Variants in NEMP2 observed in about 807,000 individuals in gnomAD.
The protein encoded by NEMP2 is nuclear envelope integral membrane protein 2, also known as UPF0571 transmembrane protein.
A neutral mutation model predicts 54.2 loss-of-function variants in NEMP2; 53 were observed. The ratio of observed to expected loss-of-function variants is 0.98; its 90% CI spans 0.78 to 1.23. NEMP2 has a LOEUF of 1.23. NEMP2 is among the 50% of genes most tolerant of loss of function. NEMP2 has a pLI of 0.00. For missense variants in NEMP2, 455 were observed against 511.3 expected (o/e 0.89, Z 1.06); for synonymous variants, 197 against 190.3 (o/e 1.04, Z -0.29).
chr2:190,474,632 G>C, the NEMP2 span, among the ~76,000 whole-genome samples: 42 of 152,266 alleles, frequency 2.8e-4, no homozygotes, highest in Middle Eastern at 0.014. Flanking sequence ...AATTCGACCA[G>C]AGGTACAAGG....
chr2:190,495,327 C>A, the NEMP2 span, among the ~76,000 whole-genome samples: 1 of 152,136 alleles, frequency 6.6e-6, no homozygotes, highest in South Asian at 2.1e-4. The surrounding 1 kb of genome is among the most constrained non-coding windows in gnomAD (Gnocchi z 4.7). Context: ...AACTACAAAA[C>A]ACTGCTGAAA....
At chr2:190,563,747 T>C in the NEMP2 span, among the ~76,000 whole-genome samples, 1 of 152,236 alleles carries the variant, frequency 6.6e-6, no homozygotes, top group South Asian at 2.1e-4. The surrounding 1 kb of genome is among the most constrained non-coding windows in gnomAD (Gnocchi z 4.3). Context: ...TTTGTAATGA[T>C]GGTGTCTGAG....
chr2:190,592,098 G>A, the NEMP2 span, among the ~76,000 whole-genome samples: 4 of 152,154 alleles, frequency 2.6e-5, no homozygotes, highest in Admixed American at 1.3e-4. The surrounding 1 kb of genome is among the most constrained non-coding windows in gnomAD (Gnocchi z 4.4). Context: ...TCTATGCACT[G>A]TGAGGCTCAG....
intron 1 of NEMP2, among the ~76,000 whole-genome samples, chr2:190,526,008 T>C (rs185791323): frequency 2.6e-5 from 4 of 152,284 alleles, no homozygotes; most frequent in East Asian, 3.9e-4. Flanking sequence ...CTCAAAAGGA[T>C]TTAACTGAAA....
At chr2:190,552,292 G>A in the NEMP2 span, among the ~76,000 whole-genome samples, 1 of 152,042 alleles carries the variant, frequency 6.6e-6, no homozygotes, top group Non-Finnish European at 1.5e-5. Flanking sequence ...TCATCAGTGT[G>A]GATGCCTGGT....
chr2:190,448,425 G>T, the NEMP2 span, among the ~76,000 whole-genome samples: 2 of 152,120 alleles, frequency 1.3e-5, no homozygotes, highest in Non-Finnish European at 2.9e-5. Context: ...GCCATCAATT[G>T]AGGAATGGAT....
At chr2:190,450,488 C>CTTTTTTTTTTTTTTTT in the NEMP2 span, among the ~76,000 whole-genome samples, 2 of 97,254 alleles carry the variant, frequency 2.1e-5, no homozygotes, top group Non-Finnish European at 3.8e-5. Flanking sequence ...TCTCTTTTTC[C>CTTTTTTTTTTTTTTTT]TTTTTTTTTT....
the NEMP2 span, chr2:190,646,972 T>A: frequency 6.6e-6 from 1 of 152,198 alleles, no homozygotes; most frequent in African/African-American, 2.4e-5. Flanking sequence ...CAAGATTCCA[T>A]AGAGGAATTA....
Position 190,507,013 on chromosome 2 carries a change from G to T in NEMP2, c.*2176C>A, listed in dbSNP as rs1206400284. The stretch of plus-strand genomic sequence containing the variant: ...GAAGGGAAGGGAGGAAAGAAAGGAG[G>T]GAAACATTTCTTGGAAGAGTTATCT... On this transcript the variant is annotated 3_prime_UTR_variant, in exon 9 of 9. Coordinates refer to ENST00000409150, the MANE Select transcript of NEMP2 (RefSeq NM_001142645.2). The surrounding 1 kb of genome is among the most constrained non-coding windows in gnomAD (Gnocchi z 4.4). The T allele has an allele frequency of 9.2e-5, 14 of 152,070 alleles. No homozygotes were observed. The highest frequency in any genetic ancestry group is 9.2e-4 in the Admixed American group (14 of 15,256). The allele number at this position is 152,070 out of a possible 1,614,324, so 9.4% of individuals were successfully genotyped here.
Position 190,528,765 on chromosome 2 carries a change from T to C in NEMP2, c.98-3387A>G, listed in dbSNP as rs1320916172. On this transcript the variant is annotated intron_variant, in intron 1 of 8. Transcript: ENST00000409150. The surrounding 1 kb of genome is among the most constrained non-coding windows in gnomAD (Gnocchi z 4.3). ...GGGCCTGAGTTTTGCAATCAAATGC[T>C]CTCTTCAAATAAGGTTCTTTCCACT... 6.6e-6 allele frequency among the ~76,000 whole-genome samples: 1 copy of C among 150,974 alleles called. No homozygotes were observed. Among genetic ancestry groups the C allele is most frequent in the African/African-American group, 2.4e-5 (1 of 40,976 alleles).
intron 1 of NEMP2, among the ~76,000 whole-genome samples, chr2:190,532,448 C>CCTGA (rs1271491403): frequency 6.6e-6 from 1 of 152,136 alleles, no homozygotes; most frequent in Non-Finnish European, 1.5e-5. Context: ...ACTGACAGGG[C>CCTGA]CTGAACTTCA....
chr2:190,482,910 A>C, the NEMP2 span, among the ~76,000 whole-genome samples: 1 of 31,516 alleles, frequency 3.2e-5, no homozygotes, highest in Non-Finnish European at 7.4e-5. Flanking sequence ...TTTTAGACGG[A>C]GTCTCACTCT....
chr2:190,453,150 A>G, the NEMP2 span, among the ~76,000 whole-genome samples: 1 of 152,154 alleles, frequency 6.6e-6, no homozygotes, highest in African/African-American at 2.4e-5. Flanking sequence ...GAGTGGATAT[A>G]AAATGAATAA....
chr2:190,519,690 T>C lies in NEMP2; in HGVS notation c.214-507A>G, dbSNP rs1690688631. 6.6e-6 allele frequency among the ~76,000 whole-genome samples: 1 copy of C among 152,240 alleles called. No individual in the cohort carries two copies. The highest frequency in any genetic ancestry group is 2.4e-5 in the African/African-American group (1 of 41,462). On this transcript the variant is annotated intron_variant, in intron 2 of 8. Coordinates refer to ENST00000409150, the MANE Select transcript of NEMP2 (RefSeq NM_001142645.2). The surrounding 1 kb of genome is among the most constrained non-coding windows in gnomAD (Gnocchi z 5.4). ...AACACACGCTGAACCACAGACATTA[T>C]TGAAAGTGAATGCTTCTCCCTCCAA...
the NEMP2 span, among the ~76,000 whole-genome samples, chr2:190,455,441 G>A: frequency 1.3e-5 from 2 of 152,130 alleles, no homozygotes. Context: ...CCAGCTGGGG[G>A]AGGCTCTGCT....
chr2:190,629,155 T>C, the NEMP2 span, among the ~76,000 whole-genome samples: 1 of 152,220 alleles, frequency 6.6e-6, no homozygotes, highest in Non-Finnish European at 1.5e-5. Flanking sequence ...AGCTGCTATA[T>C]GCTCTGCACC....
the NEMP2 span, among the ~76,000 whole-genome samples, chr2:190,488,365 CAG>C: frequency 3.5e-4 from 54 of 152,204 alleles, no homozygotes; most frequent in Non-Finnish European, 5.4e-4. This position sits in a 1 kb window ranked among gnomAD's most constrained non-coding sequence, Gnocchi z 6.4. Flanking sequence ...TGGTGGTTGT[CAG>C]GGGATGGGAC....
At chr2:190,441,315 T>C in the NEMP2 span, among the ~76,000 whole-genome samples, 7 of 152,096 alleles carry the variant, frequency 4.6e-5, no homozygotes, top group Non-Finnish European at 8.8e-5. Context: ...AAGCTCCTAA[T>C]GCCCAGGTTG....
At chr2:190,469,905 T>A in the NEMP2 span, 2 of 1,374,386 alleles carry the variant, frequency 1.5e-6, no homozygotes, top group Non-Finnish European at 2.1e-6. The surrounding 1 kb of genome is among the most constrained non-coding windows in gnomAD (Gnocchi z 5.3). Context: ...CCCTGAGCTG[T>A]GGCTAAAAGC....
Sources: gnomAD v4.1 joint callset for allele counts (sites outside exome capture counted in the v4.1 genomes callset) on GRCh38, gnomAD v4.1.1 for gene constraint, Gnocchi (gnomAD v3.1) non-coding constraint, MANE v1.5 for transcripts, NCBI Gene and HGNC (gene_info 2026-07-23, HGNC 2026-07-21) for gene names.